The following C7 variants were observed in gnomAD, a reference collection of about 807,000 sequenced individuals.
C7 encodes complement C7, also known as complement component C7.
Under a neutral mutation model 104.8 loss-of-function variants are expected in C7, and 83 were observed. That is an observed-to-expected ratio of 0.79 (90% CI 0.66 to 0.95). The LOEUF is 0.95. C7 is among the 40% of genes least tolerant of loss of function. The pLI, the probability that C7 is intolerant of heterozygous loss-of-function variation, is 0.00. For synonymous variants in C7, 415 were observed against 360.6 expected, an observed-to-expected ratio of 1.15 and a Z score of -1.71; for missense variants, 1,070 against 1,011.2, an observed-to-expected ratio of 1.06 and a Z score of -0.79.
chr5:40,926,728 T>C (rs1441099060), intron 1 of C7, among the ~76,000 whole-genome samples: 3 of 152,176 alleles, frequency 2.0e-5, no homozygotes, highest in Non-Finnish European at 2.9e-5. Flanking sequence ...TTGCAAATTA[T>C]GAAACATTGA....
At chr5:40,956,760 G>GCCC (rs1561252042) in intron 10 of C7, among the ~76,000 whole-genome samples, 1 of 152,156 alleles carries the variant, frequency 6.6e-6, no homozygotes, top group Non-Finnish European at 1.5e-5. Context: ...CCCATAAATT[G>GCCC]CCCATTGGCT....
intron 6 of C7, among the ~76,000 whole-genome samples, chr5:40,938,572 A>G (rs1353557953): frequency 6.6e-6 from 1 of 152,174 alleles, no homozygotes; most frequent in Admixed American, 6.5e-5. Flanking sequence ...ATATGTATGT[A>G]CTAAATTTTA....
chr5:40,930,204 C>CTT (rs34608357), intron 2 of C7, among the ~76,000 whole-genome samples: 22 of 123,076 alleles, frequency 1.8e-4, no homozygotes, highest in South Asian at 5.1e-4. Context: ...TGACCTACCT[C>CTT]TTTTTTTTTT....
intron 8 of C7, among the ~76,000 whole-genome samples, chr5:40,948,213 G>A (rs1463108108): frequency 6.7e-6 from 1 of 149,888 alleles, no homozygotes; most frequent in Admixed American, 6.7e-5. Context: ...GTTTAAATAA[G>A]TATTTCATTT....
At chr5:40,973,721 C>G (rs919881028) in intron 15 of C7, among the ~76,000 whole-genome samples, 2 of 152,144 alleles carry the variant, frequency 1.3e-5, no homozygotes, top group Non-Finnish European at 2.9e-5. Context: ...AGTCATGGAC[C>G]AGTACTTACA....
chr5:40,958,191 T>A lies in C7; in HGVS notation c.1419T>A (p.Cys473Ter). The A allele has an allele frequency of 1.2e-6, 2 of 1,613,836 alleles. No homozygotes were observed. Among genetic ancestry groups the A allele is most frequent in the Non-Finnish European group, 1.7e-6 (2 of 1,179,744 alleles). ...GGLATVEGTH[C>*]LCHCKPYTFG... ...TGGCTACTGTTGAGGGGACCCATTG[T>A]CTGTGCCATTGCAAACCGTACACAT... is the stretch of plus-strand genomic sequence containing the variant. The change falls in exon 11 of 18, where the codon TGT becomes TGA. Residue 473 changes from cysteine (C) to a stop codon, truncating the protein, a stop_gained. Transcript: ENST00000313164. LOFTEE classifies it high-confidence loss of function.
At position 40,947,667 on chromosome 5, in the gene C7, AT is replaced by A. The variant is rs769156731; in HGVS notation, c.809del (p.Leu270TyrfsTer26). 1 of 1,613,550 alleles carries A rather than the reference AT, an allele frequency of 6.2e-7. No homozygotes were observed. Among genetic ancestry groups the A allele is most frequent in the Non-Finnish European group, 8.5e-7 (1 of 1,179,722 alleles). On this transcript the variant is annotated frameshift_variant, in exon 8 of 18. Transcript: ENST00000313164. LOFTEE classifies it high-confidence loss of function. The part of the protein sequence containing the change: ...VAQFINNNPE[F>X]LQLAEPFWKE... ...CTCAGTTCATTAATAACAATCCAGA[AT>A]TTTTACAACTTGCTGAGCCATTCTG...
intron 1 of C7, among the ~76,000 whole-genome samples, chr5:40,914,070 C>A (rs1277160429): frequency 6.6e-6 from 1 of 152,298 alleles, no homozygotes; most frequent in African/African-American, 2.4e-5. Context: ...TTCAAGCAAT[C>A]CTCCTGCCTT....
chr5:40,929,151 G>T (rs1389923915), intron 2 of C7, among the ~76,000 whole-genome samples: 2 of 152,192 alleles, frequency 1.3e-5, no homozygotes, highest in African/African-American at 4.8e-5. Context: ...CAGAAAATGT[G>T]TCAGGGGCTG....
intron 6 of C7, among the ~76,000 whole-genome samples, chr5:40,940,725 C>G (rs1246863898): frequency 6.6e-6 from 1 of 152,132 alleles, no homozygotes; most frequent in Non-Finnish European, 1.5e-5. Context: ...ATACTAAGCA[C>G]TGTTCCAAGA....
At chr5:40,930,223 T>G (rs1193898370) in intron 2 of C7, among the ~76,000 whole-genome samples, 1 of 116,024 alleles carries the variant, frequency 8.6e-6, no homozygotes, top group Non-Finnish European at 1.7e-5. Flanking sequence ...TTTTTTTTTT[T>G]GAGATGGAGT....
At chr5:40,927,296 A>G (rs1397339914) in intron 1 of C7, among the ~76,000 whole-genome samples, 2 of 152,120 alleles carry the variant, frequency 1.3e-5, no homozygotes, top group African/African-American at 2.4e-5. Context: ...TGAAAAATTA[A>G]TTGAAAAAAA....
intron 6 of C7, among the ~76,000 whole-genome samples, chr5:40,941,264 A>G (rs1228286916): frequency 6.6e-6 from 1 of 151,924 alleles, no homozygotes; most frequent in Admixed American, 6.6e-5. Flanking sequence ...GGGTTTCGCC[A>G]TGTCGGTCAG....
intron 14 of C7, among the ~76,000 whole-genome samples, chr5:40,965,809 T>A (rs930306576): frequency 6.6e-6 from 1 of 151,526 alleles, no homozygotes; most frequent in African/African-American, 2.4e-5. Flanking sequence ...ACTCTGCTAA[T>A]TTTTTGTATT....
intron 1 of C7, among the ~76,000 whole-genome samples, chr5:40,926,829 G>A (rs1739564098): frequency 6.6e-6 from 1 of 152,042 alleles, no homozygotes; most frequent in South Asian, 2.1e-4. Flanking sequence ...TACTACCACA[G>A]TGATCTAGAG....
In C7 at chr5:40,981,861, C is replaced by A. The variant is rs1740954685; in HGVS notation, c.*288C>A. The A allele has an allele frequency of 1.6e-5, 4 of 257,110 alleles. No individual in the cohort carries two copies. The highest frequency in any genetic ancestry group is 2.9e-5 in the Non-Finnish European group (4 of 135,956). The allele number at this position is 257,110 out of a possible 1,614,324, so 15.9% of individuals were successfully genotyped here. On this transcript the variant is annotated 3_prime_UTR_variant, in exon 18 of 18. Transcript: ENST00000313164. ...TCTCTGGGCCTTGGTTTTTTAAAAT[C>A]TGTAAAATTAGAGGATTGCACTAGA...
intron 1 of C7, among the ~76,000 whole-genome samples, chr5:40,909,974 A>ATTTTTTTT (rs1259880340): frequency 3.2e-5 from 4 of 124,660 alleles, no homozygotes; most frequent in African/African-American, 3.0e-5. Flanking sequence ...CCTCTGGTGT[A>ATTTTTTTT]TTTTTTTTTT....
rs141398235 is a variant in C7, at chr5:40,971,663, T to C, written c.1883-740T>C. Among the ~76,000 whole-genome samples, 221 of 152,340 alleles carry C rather than the reference T, an allele frequency of 1.5e-3. 1 individual carries two copies. Among genetic ancestry groups the C allele is most frequent in the African/African-American group, 5.0e-3 (207 of 41,590 alleles). ...GTTTTAGTCATGAAGTCTTTGCCCA[T>C]GCTTATGTCCTGAATGGTATTGCAT... On this transcript the variant is annotated intron_variant, in intron 14 of 17. Transcript: ENST00000313164.
chr5:40,980,181 C>G, intron 17 of C7: 1 of 319,960 alleles, frequency 3.1e-6, no homozygotes, highest in East Asian at 5.0e-5. Context: ...GATTTTTACT[C>G]TGTCCTTGTA....
Sources: allele counts gnomAD v4.1 joint callset (sites outside exome capture counted in the v4.1 genomes callset), GRCh38; gene constraint gnomAD v4.1.1; transcripts MANE v1.5; gene names NCBI Gene and HGNC (gene_info 2026-07-23, HGNC 2026-07-21).